Variants in ZNF536 observed in about 807,000 individuals in gnomAD.
ZNF536 encodes the protein zinc finger protein 536.
Under a neutral mutation model 84.5 loss-of-function variants are expected in ZNF536, and 13 were observed. The observed-to-expected ratio is 0.15, with a 90% CI of 0.10 to 0.24. The LOEUF (loss-of-function observed/expected upper bound fraction) is 0.24. Among genes scored for constraint, ZNF536 ranks in the 10% least tolerant of loss-of-function variants. The pLI is 1.00. For synonymous variants in ZNF536, 811 were observed against 742.5 expected, an observed-to-expected ratio of 1.09 and a Z score of -1.50; for missense variants, 1,536 against 1,747.5, an observed-to-expected ratio of 0.88 and a Z score of 2.16.
chr19:30,532,992 TG>T (rs1181632072), intron 2 of ZNF536, among the ~76,000 whole-genome samples: 1 of 152,190 alleles, frequency 6.6e-6, no homozygotes, highest in Non-Finnish European at 1.5e-5. Context: ...TAGATGTGGA[TG>T]AGCCTAACTT....
At chr19:30,542,330 T>TGTAATG (rs1265481450) in intron 3 of ZNF536, among the ~76,000 whole-genome samples, 18 of 152,140 alleles carry the variant, frequency 1.2e-4, no homozygotes, top group Non-Finnish European at 2.4e-4. Context: ...TAAAAATAGG[T>TGTAATG]ACCGTGAACT....
chr19:30,376,195 G>C (rs1339685836), intron 1 of ZNF536, among the ~76,000 whole-genome samples: 3 of 152,094 alleles, frequency 2.0e-5, no homozygotes, highest in Non-Finnish European at 4.4e-5. Flanking sequence ...GAAATTTCCA[G>C]TGCCCAGTCT....
chr19:30,347,417 C>T (rs888297529), intron 2 of ZNF536, among the ~76,000 whole-genome samples: 3 of 152,166 alleles, frequency 2.0e-5, no homozygotes, highest in African/African-American at 4.8e-5. Context: ...CCAAGCTTTC[C>T]GCCACAGGGG....
At chr19:30,282,229 C>T (rs139513077) in intron 1 of ZNF536, among the ~76,000 whole-genome samples, 2 of 152,364 alleles carry the variant, frequency 1.3e-5, no homozygotes, top group East Asian at 1.9e-4. Flanking sequence ...AGGCTGTACT[C>T]GTCAGCTGCC....
At chr19:30,328,416 G>A (rs985482163) in intron 2 of ZNF536, among the ~76,000 whole-genome samples, 9 of 152,148 alleles carry the variant, frequency 5.9e-5, no homozygotes, top group Non-Finnish European at 1.0e-4. Context: ...GGAACTCATG[G>A]GCCTCTGTGT....
chr19:30,598,439 T>G (rs1344701032), intron 1 of ZNF536, among the ~76,000 whole-genome samples: 1 of 152,184 alleles, frequency 6.6e-6, no homozygotes, highest in African/African-American at 2.4e-5. Context: ...ATAAATAATT[T>G]TGAAAGCGCC....
intron 1 of ZNF536, among the ~76,000 whole-genome samples, chr19:30,687,159 T>A (rs1018400843): frequency 1.3e-5 from 2 of 152,148 alleles, no homozygotes; most frequent in Non-Finnish European, 2.9e-5. Context: ...GGGCTGCAAA[T>A]GCATGCCTGG....
chr19:30,366,364 C>CTATT (rs1343276733), intron 3 of ZNF536, among the ~76,000 whole-genome samples: 2 of 138,448 alleles, frequency 1.4e-5, no homozygotes, highest in African/African-American at 2.9e-5. Context: ...TATCATATCT[C>CTATT]TATCTATCTA....
intron 2 of ZNF536, among the ~76,000 whole-genome samples, chr19:30,480,907 C>A (rs567554195): frequency 4.6e-5 from 7 of 151,652 alleles, no homozygotes; most frequent in African/African-American, 1.7e-4. Context: ...ATGGTGGATG[C>A]GGCTGTAATT....
At chr19:30,509,140 T>A (rs1196011119) in intron 2 of ZNF536, among the ~76,000 whole-genome samples, 2 of 151,276 alleles carry the variant, frequency 1.3e-5, no homozygotes, top group Non-Finnish European at 2.9e-5. Context: ...TGGCCTCAAC[T>A]GTGATTTTAA....
At chr19:30,288,448 G>A (rs1226646862) in intron 2 of ZNF536, among the ~76,000 whole-genome samples, 1 of 152,182 alleles carries the variant, frequency 6.6e-6, no homozygotes, top group Non-Finnish European at 1.5e-5. Flanking sequence ...TGTATGCAAT[G>A]TACCCATCTA....
In ZNF536 at chr19:30,363,143, G is replaced by A. The variant is rs551315304; in HGVS notation, c.-3+10659G>A. Among the ~76,000 whole-genome samples, 146 of 152,116 alleles carry A rather than the reference G, an allele frequency of 9.6e-4. 1 individual carries two copies. The highest frequency in any genetic ancestry group is 1.8e-3 in the Admixed American group (27 of 15,274). On this transcript the variant is annotated intron_variant, in intron 3 of 5. Transcript: ENST00000585628. ...CTCTCGTGCAGCAGGTCTTTATGAC[G>A]TGGTGGGCTGGGACAAGCTCCCTGG... is the stretch of plus-strand genomic sequence containing the variant.
At chr19:30,655,926 C>G (rs1042318782) in intron 1 of ZNF536, among the ~76,000 whole-genome samples, 11 of 152,146 alleles carry the variant, frequency 7.2e-5, no homozygotes, top group African/African-American at 2.7e-4. Context: ...GTAGTCCCAG[C>G]TACCTGGGAG....
At chr19:30,522,040 TGGACCGGGA>T (rs2044339894) in intron 2 of ZNF536, among the ~76,000 whole-genome samples, 1 of 151,586 alleles carries the variant, frequency 6.6e-6, no homozygotes, top group African/African-American at 2.4e-5. Context: ...ACACGAACAC[TGGACCGGGA>T]GGGCCATTCG....
chr19:30,672,272 T>A (rs1267744774), intron 1 of ZNF536, among the ~76,000 whole-genome samples: 1 of 152,238 alleles, frequency 6.6e-6, no homozygotes, highest in Non-Finnish European at 1.5e-5. Context: ...ATAATTGTGC[T>A]GATGTTATAG....
At chr19:30,449,733 TATA>T (rs2052512029) in intron 2 of ZNF536, among the ~76,000 whole-genome samples, 1 of 152,200 alleles carries the variant, frequency 6.6e-6, no homozygotes, top group Non-Finnish European at 1.5e-5. Flanking sequence ...CTACTTCTGG[TATA>T]ATATTTTGAG....
chr19:30,434,903 G>GAT (rs1433074494), intron 1 of ZNF536, among the ~76,000 whole-genome samples: 1 of 75,088 alleles, frequency 1.3e-5, no homozygotes, highest in African/African-American at 5.8e-5. Flanking sequence ...TGCTGATGAT[G>GAT]GTGATGATGC....
intron 2 of ZNF536, among the ~76,000 whole-genome samples, chr19:30,499,958 C>A (rs532497756): frequency 1.1e-4 from 16 of 152,302 alleles, no homozygotes; most frequent in Non-Finnish European, 2.4e-4. Context: ...GTGGCCCCAC[C>A]CCACTCCCCC....
chr19:30,527,052 G>A (rs546334247), intron 2 of ZNF536, among the ~76,000 whole-genome samples: 6 of 151,614 alleles, frequency 4.0e-5, no homozygotes, highest in Non-Finnish European at 7.4e-5. Flanking sequence ...CCGAATAGCC[G>A]GGACTACAGG....
Sources: allele counts gnomAD v4.1 joint callset (sites outside exome capture counted in the v4.1 genomes callset), GRCh38; gene constraint gnomAD v4.1.1; transcripts MANE v1.5; gene names NCBI Gene and HGNC (gene_info 2026-07-23, HGNC 2026-07-21).